Variants in KIAA1958 observed in about 807,000 individuals in gnomAD.
The protein encoded by KIAA1958 is KIAA1958, also known as uncharacterized protein KIAA1958.
In KIAA1958, 14 loss-of-function variants were observed where a neutral mutation model predicts 47.2. That is an observed-to-expected ratio of 0.30 (90% CI 0.20 to 0.46). KIAA1958 has a LOEUF of 0.46. Among genes scored for constraint, KIAA1958 ranks in the 20% least tolerant of loss-of-function variants. The pLI is 1.00. For missense variants in KIAA1958, 803 were observed against 909.2 expected (o/e 0.88, Z 1.50); for synonymous variants, 354 against 353.3 (o/e 1.00, Z -0.02).
chr9:112,498,472 G>T (rs563654508), intron 1 of KIAA1958, among the ~76,000 whole-genome samples: 3 of 152,258 alleles, frequency 2.0e-5, no homozygotes, highest in Admixed American at 6.5e-5. Context: ...TTCAAGGAAG[G>T]ATCAATCAAC....
chr9:112,521,715 A>AT (rs1344162707), intron 1 of KIAA1958, among the ~76,000 whole-genome samples: 2 of 152,108 alleles, frequency 1.3e-5, no homozygotes, highest in African/African-American at 2.4e-5. Context: ...AAGAATATAT[A>AT]TTCTGTATTT....
At chr9:112,636,639 T>C (rs1303699993) in intron 2 of KIAA1958, among the ~76,000 whole-genome samples, 2 of 152,196 alleles carry the variant, frequency 1.3e-5, no homozygotes, top group African/African-American at 4.8e-5. Context: ...TTTCTAGTAA[T>C]ACTTCTTGTC....
Position 112,661,408 on chromosome 9 carries a change from C to T in KIAA1958, c.*1339C>T, listed in dbSNP as rs912847024. On this transcript the variant is annotated 3_prime_UTR_variant, in exon 4 of 4. Transcript: ENST00000337530. ...TAAGAGTAACAATAATTTCTAGGGA[C>T]CTTGACTTTGCATTTGAGGAAAATC... The T allele has an allele frequency of 6.6e-6, 1 of 152,036 alleles. No individual in the cohort carries two copies. The highest frequency in any genetic ancestry group is 1.9e-4 in the East Asian group (1 of 5,200). 9.4% of individuals were successfully genotyped at this position (152,036 alleles called of 1,614,324 possible).
chr9:112,493,082 G>T (rs1366515371), intron 1 of KIAA1958, among the ~76,000 whole-genome samples: 1 of 152,018 alleles, frequency 6.6e-6, no homozygotes. Context: ...TGGAATACTG[G>T]AGAATATTAT....
At chr9:112,527,948 A>G (rs1834687789) in intron 1 of KIAA1958, among the ~76,000 whole-genome samples, 1 of 151,926 alleles carries the variant, frequency 6.6e-6, no homozygotes, top group South Asian at 2.1e-4. Flanking sequence ...AAAAAAAAAA[A>G]AAAAGAAAAA....
chr9:112,488,279 T>G (rs1012430542), intron 1 of KIAA1958, among the ~76,000 whole-genome samples: 4 of 152,170 alleles, frequency 2.6e-5, no homozygotes, highest in Non-Finnish European at 5.9e-5. Context: ...AACGATTGGG[T>G]TGTGCATGGA....
chr9:112,636,155 T>G (rs1836801908), intron 2 of KIAA1958, among the ~76,000 whole-genome samples: 1 of 148,598 alleles, frequency 6.7e-6, no homozygotes, highest in African/African-American at 2.4e-5. Context: ...TGTATTATAT[T>G]AAATAATATA....
At chr9:112,520,155 A>G (rs1564157326) in intron 1 of KIAA1958, among the ~76,000 whole-genome samples, 1 of 152,202 alleles carries the variant, frequency 6.6e-6, no homozygotes, top group Non-Finnish European at 1.5e-5. Context: ...TTGTTTTTGC[A>G]TTTCCAAAAC....
intron 1 of KIAA1958, among the ~76,000 whole-genome samples, chr9:112,505,795 A>G (rs573125525): frequency 4.3e-4 from 66 of 152,268 alleles, no homozygotes; most frequent in Non-Finnish European, 7.1e-4. Flanking sequence ...AAGGCAAAGC[A>G]CGGGATCCAG....
intron 1 of KIAA1958, among the ~76,000 whole-genome samples, chr9:112,549,097 C>G (rs937306836): frequency 1.2e-4 from 18 of 152,134 alleles, no homozygotes; most frequent in Non-Finnish European, 2.4e-4. Context: ...CTCTAGCAAG[C>G]TATATAAACA....
At chr9:112,542,362 T>C (rs984267805) in intron 1 of KIAA1958, among the ~76,000 whole-genome samples, 7 of 152,160 alleles carry the variant, frequency 4.6e-5, no homozygotes, top group African/African-American at 1.7e-4. Context: ...TAAAAAGTTT[T>C]CCCAATAGGG....
chr9:112,614,661 A>G (rs1430437479), intron 2 of KIAA1958, among the ~76,000 whole-genome samples: 1 of 152,172 alleles, frequency 6.6e-6, no homozygotes, highest in East Asian at 1.9e-4. Context: ...CCTGGCTATT[A>G]GGAAAGGATA....
At chr9:112,641,060 A>G (rs1836881126) in intron 2 of KIAA1958, among the ~76,000 whole-genome samples, 1 of 151,912 alleles carries the variant, frequency 6.6e-6, no homozygotes, top group Admixed American at 6.5e-5. Flanking sequence ...ATTCAGCTTT[A>G]TTGCCACATT....
chr9:112,646,813 G>A (rs1458170383), intron 3 of KIAA1958, among the ~76,000 whole-genome samples: 2 of 152,104 alleles, frequency 1.3e-5, no homozygotes, highest in African/African-American at 4.8e-5. Flanking sequence ...GTAAATCGAA[G>A]GAAAAAATCT....
intron 1 of KIAA1958, among the ~76,000 whole-genome samples, chr9:112,529,494 A>C (rs2132809175): frequency 6.6e-6 from 1 of 152,064 alleles, no homozygotes; most frequent in East Asian, 1.9e-4. Context: ...AGTTTTTCAG[A>C]CTTTCTTTGT....
chr9:112,595,719 A>G (rs1588033257), intron 2 of KIAA1958, among the ~76,000 whole-genome samples: 2 of 151,890 alleles, frequency 1.3e-5, no homozygotes, highest in East Asian at 3.9e-4. Flanking sequence ...AACATTTAAT[A>G]TATTGATTGG....
intron 1 of KIAA1958, among the ~76,000 whole-genome samples, chr9:112,572,672 G>C (rs1835560099): frequency 6.6e-6 from 1 of 152,184 alleles, no homozygotes; most frequent in Admixed American, 6.5e-5. Flanking sequence ...GGAAAGAGAA[G>C]GGCAGCATAT....
intron 1 of KIAA1958, among the ~76,000 whole-genome samples, chr9:112,550,184 A>T (rs1041351842): frequency 1.2e-4 from 18 of 151,968 alleles, no homozygotes; most frequent in Non-Finnish European, 1.5e-5. Flanking sequence ...GGAGCCTTTG[A>T]TGGAGAGTTT....
chr9:112,607,669 A>G (rs1836258555), intron 2 of KIAA1958, among the ~76,000 whole-genome samples: 1 of 151,570 alleles, frequency 6.6e-6, no homozygotes, highest in Non-Finnish European at 1.5e-5. Flanking sequence ...AGACTAATGT[A>G]CAATGATCAG....
Sources: allele counts gnomAD v4.1 joint callset (sites outside exome capture counted in the v4.1 genomes callset), GRCh38; gene constraint gnomAD v4.1.1; transcripts MANE v1.5; gene names NCBI Gene and HGNC (gene_info 2026-07-23, HGNC 2026-07-21).